DNER: variants seen among roughly 807,000 people sequenced by gnomAD.
DNER encodes delta and Notch-like epidermal growth factor-related receptor.
A neutral mutation model predicts 78.2 loss-of-function variants in DNER; 33 were observed. The ratio of observed to expected loss-of-function variants is 0.42; its 90% CI spans 0.32 to 0.56. The LOEUF (loss-of-function observed/expected upper bound fraction) is 0.56, where lower values mean the gene tolerates loss of function less well. Ranked by LOEUF, DNER falls within the 20% of genes least tolerant of loss-of-function variation. The pLI, the probability that DNER is intolerant of heterozygous loss-of-function variation, is 0.11. For missense variants in DNER, 918 were observed against 975.3 expected (o/e 0.94, Z 0.78); for synonymous variants, 417 against 384.8 (o/e 1.08, Z -0.98).
chr2:229,393,265 TA>T (rs779619468), intron 10 of DNER, among the ~76,000 whole-genome samples: 1 of 151,626 alleles, frequency 6.6e-6, no homozygotes, highest in Non-Finnish European at 1.5e-5. Flanking sequence ...CCGTCTCTAC[TA>T]AAAATACAAA....
rs1331757291 is a variant in DNER at position 229,567,038 on chromosome 2, G to A, written c.847+18820C>T. Among the ~76,000 whole-genome samples the A allele has an allele frequency of 3.3e-5, 5 of 152,102 alleles. No homozygotes were observed. The East Asian group carries it at 9.6e-4, about 29-fold the overall frequency. On this transcript the variant is annotated intron_variant, in intron 4 of 12. Coordinates refer to ENST00000341772, the MANE Select transcript of DNER (RefSeq NM_139072.4). ...CTTACTCTCCAAGCTCCAGCCTCAT[G>A]CTTTGTTGCAGTTCCTCTAATATTA...
chr2:229,366,049 T>C (rs1391748456), intron 12 of DNER, among the ~76,000 whole-genome samples: 1 of 152,212 alleles, frequency 6.6e-6, no homozygotes, highest in African/African-American at 2.4e-5. Context: ...CATACCATCT[T>C]TAATATTTGT....
intron 1 of DNER, among the ~76,000 whole-genome samples, chr2:229,628,999 C>G (rs1188315190): frequency 6.6e-6 from 1 of 152,196 alleles, no homozygotes. Flanking sequence ...TTCTTCTTCT[C>G]TCCACTCACT....
chr2:229,593,979 C>G, intron 1 of DNER, among the ~76,000 whole-genome samples: 1 of 152,222 alleles, frequency 6.6e-6, no homozygotes, highest in East Asian at 1.9e-4. Flanking sequence ...ATTACTAAGG[C>G]AAGGACCACC....
At chr2:229,662,576 A>G (rs1699026349) in intron 1 of DNER, among the ~76,000 whole-genome samples, 1 of 152,182 alleles carries the variant, frequency 6.6e-6, no homozygotes, top group African/African-American at 2.4e-5. Context: ...CACTGCAAGC[A>G]TGGACTCTGA....
intron 1 of DNER, among the ~76,000 whole-genome samples, chr2:229,678,700 T>C (rs1699337480): frequency 1.3e-5 from 2 of 152,210 alleles, no homozygotes; most frequent in African/African-American, 2.4e-5. Context: ...CACTAAATCC[T>C]GTTTCCTCTG....
chr2:229,584,331 TAAC>T (rs1216510908), intron 4 of DNER, among the ~76,000 whole-genome samples: 1 of 152,098 alleles, frequency 6.6e-6, no homozygotes, highest in East Asian at 1.9e-4. Flanking sequence ...GAGAAGGAAT[TAAC>T]AGCAGGATGC....
At chr2:229,371,541 C>T (rs756639378) in intron 11 of DNER, among the ~76,000 whole-genome samples, 21 of 152,170 alleles carry the variant, frequency 1.4e-4, no homozygotes, top group Non-Finnish European at 2.1e-4. Context: ...GTTGTATTTT[C>T]CAAAGTGCTT....
At chr2:229,702,653 C>T (rs1001482280) in intron 1 of DNER, among the ~76,000 whole-genome samples, 17 of 151,848 alleles carry the variant, frequency 1.1e-4, no homozygotes, top group African/African-American at 4.1e-4. Context: ...CACGGTGGCT[C>T]ACGCCTGTAA....
At position 229,447,365 on chromosome 2, in the gene DNER, A is replaced by G; in HGVS notation, c.1437T>C (p.His479=). The change falls in exon 8 of 13, where the codon CAT becomes CAC. Residue 479 remains histidine (H), a synonymous_variant. Transcript: ENST00000341772. ...IDFCALSPCA[H]GTCRSVGTSY... ...TGGTGCCCACGCTGCGGCACGTGCC[A>G]TGAGCACAGGGGCTGAGGGCACAGA... 6.2e-7 allele frequency: 1 copy of G among 1,612,570 alleles called. No individual in the cohort carries two copies. Among genetic ancestry groups the G allele is most frequent in the Non-Finnish European group, 8.5e-7 (1 of 1,179,386 alleles).
At chr2:229,690,768 G>A (rs1033075161) in intron 1 of DNER, among the ~76,000 whole-genome samples, 2 of 152,198 alleles carry the variant, frequency 1.3e-5, no homozygotes, top group African/African-American at 4.8e-5. Context: ...AGTTACAAAG[G>A]AGGTAGAAAG....
chr2:229,699,264 A>G (rs1252385530), intron 1 of DNER, among the ~76,000 whole-genome samples: 1 of 152,262 alleles, frequency 6.6e-6, no homozygotes, highest in Non-Finnish European at 1.5e-5. Flanking sequence ...TTCCAGCCTC[A>G]ATAAAAAGTC....
At position 229,591,551 on chromosome 2, in the gene DNER, T is replaced by G. The variant is rs373931048; in HGVS notation, c.585+29A>C. ...ACTTTAAGATTTCTGGTTTCTAATG[T>G]AAAAATGCACATGATATAACGTTCT... On this transcript the variant is annotated intron_variant, in intron 2 of 12. Coordinates refer to ENST00000341772, the MANE Select transcript of DNER (RefSeq NM_139072.4). The surrounding 1 kb of genome is among the most constrained non-coding windows in gnomAD (Gnocchi z 4.6). 31 of 1,578,184 alleles carry G rather than the reference T, an allele frequency of 2.0e-5. No individual in the cohort carries two copies. The African/African-American group carries it at 3.8e-4, about 19-fold the overall frequency.
intron 4 of DNER, among the ~76,000 whole-genome samples, chr2:229,559,357 C>G: frequency 6.6e-6 from 1 of 152,136 alleles, no homozygotes; most frequent in East Asian, 1.9e-4. Flanking sequence ...TACAGCCTGA[C>G]AGTCATGATA....
intron 1 of DNER, among the ~76,000 whole-genome samples, chr2:229,663,883 A>AATG (rs1365339252): frequency 1.6e-4 from 25 of 152,244 alleles, no homozygotes; most frequent in African/African-American, 6.0e-4. Flanking sequence ...GCTGGAGTGC[A>AATG]ATGGCACAAT....
chr2:229,657,286 G>T (rs1698928866), intron 1 of DNER, among the ~76,000 whole-genome samples: 1 of 152,030 alleles, frequency 6.6e-6, no homozygotes, highest in Non-Finnish European at 1.5e-5. Context: ...TGTCCTCCAG[G>T]TTCATCCATG....
Position 229,497,927 on chromosome 2 carries a change from G to A in DNER, c.1147+14856C>T, listed in dbSNP as rs565780528. On this transcript the variant is annotated intron_variant, in intron 6 of 12. Coordinates refer to ENST00000341772, the MANE Select transcript of DNER (RefSeq NM_139072.4). ...TTTTTCTCAAACTCTTCCAAAATATGGAAGAGAAGGCCAGCGTTACCCTGA... is the reference window on the plus strand; with the variant it reads ...TTTTTCTCAAACTCTTCCAAAATATAGAAGAGAAGGCCAGCGTTACCCTGA... Among the ~76,000 whole-genome samples the A allele has an allele frequency of 1.2e-4, 18 of 152,030 alleles. No individual in the cohort carries two copies. The South Asian group carries it at 2.9e-3, about 25-fold the overall frequency.
chr2:229,617,613 A>G lies in DNER; in HGVS notation c.277-25725T>C, dbSNP rs548878403. 1.4e-4 allele frequency among the ~76,000 whole-genome samples: 21 copies of G among 152,342 alleles called. No homozygotes were observed. In the East Asian group the frequency reaches 2.1e-3, roughly 15 times the overall value. On this transcript the variant is annotated intron_variant, in intron 1 of 12. Transcript: ENST00000341772. ...TTTATTTCCATACTTCATAAAGAAG[A>G]CAAAGGAAAAATAGTTTTTTTGTTA...
chr2:229,405,723 C>T (rs761724100), intron 10 of DNER, among the ~76,000 whole-genome samples: 1 of 152,160 alleles, frequency 6.6e-6, no homozygotes, highest in Non-Finnish European at 1.5e-5. Context: ...ACTACACACA[C>T]ACAGACCTTC....
Sources: allele counts gnomAD v4.1 joint callset (sites outside exome capture counted in the v4.1 genomes callset), GRCh38; gene constraint gnomAD v4.1.1; non-coding constraint Gnocchi (gnomAD v3.1); transcripts MANE v1.5; gene names NCBI Gene and HGNC (gene_info 2026-07-23, HGNC 2026-07-21).